ATXN1: variants seen among roughly 807,000 people sequenced by gnomAD.
ATXN1 encodes ataxin 1.
ATXN1 carries 8 observed loss-of-function variants against 56.4 expected under a neutral mutation model. The ratio of observed to expected loss-of-function variants is 0.14; its 90% CI spans 0.08 to 0.26. The LOEUF (loss-of-function observed/expected upper bound fraction) is 0.26. ATXN1 is among the 10% of genes least tolerant of loss of function. ATXN1 has a pLI of 1.00. For missense variants in ATXN1, 987 were observed against 1,106.5 expected (o/e 0.89, Z 1.53); for synonymous variants, 514 against 494.6 (o/e 1.04, Z -0.52).
intron 6 of ATXN1, among the ~76,000 whole-genome samples, chr6:16,429,081 C>A (rs1759222330): frequency 6.6e-6 from 1 of 152,006 alleles, no homozygotes; most frequent in African/African-American, 2.4e-5. Flanking sequence ...CTGCTGGACA[C>A]CCTGGCGACC....
intron 4 of ATXN1, among the ~76,000 whole-genome samples, chr6:16,561,992 C>A (rs367838960): frequency 1.3e-5 from 2 of 151,570 alleles, no homozygotes; most frequent in East Asian, 1.9e-4. Flanking sequence ...AGAATAAGTA[C>A]GAAAAGGGAC....
At chr6:16,519,566 G>A (rs1008396411) in intron 5 of ATXN1, among the ~76,000 whole-genome samples, 17 of 152,172 alleles carry the variant, frequency 1.1e-4, no homozygotes, top group African/African-American at 3.9e-4. Flanking sequence ...CATATTAAAT[G>A]AGCACTCTGT....
chr6:16,725,272 G>A (rs1366451312), intron 2 of ATXN1, among the ~76,000 whole-genome samples: 1 of 152,188 alleles, frequency 6.6e-6, no homozygotes, highest in Non-Finnish European at 1.5e-5. Context: ...TAGGTTTCGA[G>A]AACTGCTATT....
chr6:16,381,240 C>T (rs1361907210), intron 6 of ATXN1, among the ~76,000 whole-genome samples: 6 of 151,904 alleles, frequency 3.9e-5, no homozygotes, highest in Admixed American at 3.9e-4. Flanking sequence ...TAAGTGAGAT[C>T]GCACCACTGC....
intron 6 of ATXN1, among the ~76,000 whole-genome samples, chr6:16,379,161 T>A (rs535057314): frequency 6.6e-6 from 1 of 152,322 alleles, no homozygotes; most frequent in South Asian, 2.1e-4. Context: ...AACTCAAGAA[T>A]GGAAAACCAA....
chr6:16,442,320 G>A (rs1759533978), intron 6 of ATXN1, among the ~76,000 whole-genome samples: 1 of 152,148 alleles, frequency 6.6e-6, no homozygotes, highest in Admixed American at 6.5e-5. Context: ...AGAAGAGTCA[G>A]GCAACCAGTC....
At position 16,568,620 on chromosome 6, in the gene ATXN1, C is replaced by T. The variant is rs571716801; in HGVS notation, c.-361+17160G>A. ...GAAGAAATCATGAGGAGGTGGGTGA[C>T]TTACAAATGAACTTTCTTTTTCGGT... On this transcript the variant is annotated intron_variant, in intron 4 of 7. Transcript: ENST00000436367. Among the ~76,000 whole-genome samples the T allele has an allele frequency of 2.0e-4, 31 of 151,820 alleles. 1 individual carries two copies. The South Asian group carries it at 6.5e-3, about 32-fold the overall frequency.
chr6:16,610,937 G>A (rs1334979933), intron 3 of ATXN1, among the ~76,000 whole-genome samples: 2 of 151,986 alleles, frequency 1.3e-5, no homozygotes, highest in African/African-American at 4.8e-5. Context: ...AGGCTGAGGT[G>A]GGGGATCCTT....
Position 16,455,625 on chromosome 6 carries a change from T to C in ATXN1, c.-161+30347A>G, listed in dbSNP as rs144904701. Among the ~76,000 whole-genome samples the C allele has an allele frequency of 6.9e-4, 105 of 152,356 alleles. No individual in the cohort carries two copies. In the East Asian group the frequency reaches 0.018, roughly 27 times the overall value. On this transcript the variant is annotated intron_variant, in intron 6 of 7. Transcript: ENST00000436367. ...ACAAAAACCTGCACTCAAATGTTTA[T>C]AGCAGCTTCATTCATAATCGTGAAT...
intron 4 of ATXN1, among the ~76,000 whole-genome samples, chr6:16,545,293 A>C (rs1236931002): frequency 6.6e-6 from 1 of 152,208 alleles, no homozygotes; most frequent in African/African-American, 2.4e-5. Context: ...AATGACCTTA[A>C]TATGTTCAAG....
At chr6:16,390,278 T>C (rs1397228513) in intron 6 of ATXN1, among the ~76,000 whole-genome samples, 1 of 152,204 alleles carries the variant, frequency 6.6e-6, no homozygotes, top group Non-Finnish European at 1.5e-5. Flanking sequence ...TGTTTTTTCA[T>C]TGCCATGTTT....
At chr6:16,385,627 A>G (rs1758224253) in intron 6 of ATXN1, among the ~76,000 whole-genome samples, 1 of 152,220 alleles carries the variant, frequency 6.6e-6, no homozygotes, top group Admixed American at 6.5e-5. Context: ...TACTTCTAGG[A>G]TAAAGTTTAA....
In ATXN1 at chr6:16,723,091, T is replaced by C. The variant is rs6899526; in HGVS notation, c.-615+30142A>G. 8.4e-3 allele frequency among the ~76,000 whole-genome samples: 1,274 copies of C among 152,328 alleles called. 15 individuals carry two copies. The highest frequency in any genetic ancestry group is 0.028 in the African/African-American group (1,164 of 41,584). The stretch of plus-strand genomic sequence containing the variant: ...CAGACTGTGTTTCCATAAACATTTA[T>C]ACAGACTTCTCAGAAATAAAGGAGA... On this transcript the variant is annotated intron_variant, in intron 2 of 7. Transcript: ENST00000436367.
chr6:16,501,690 T>C (rs1464040871), intron 5 of ATXN1, among the ~76,000 whole-genome samples: 1 of 152,204 alleles, frequency 6.6e-6, no homozygotes, highest in East Asian at 1.9e-4. Flanking sequence ...CCATGGTGTA[T>C]ATTTACCACA....
intron 5 of ATXN1, among the ~76,000 whole-genome samples, chr6:16,495,898 A>G (rs1760772066): frequency 6.6e-6 from 1 of 152,052 alleles, no homozygotes; most frequent in Non-Finnish European, 1.5e-5. Flanking sequence ...TATTATTGGT[A>G]TATTAGTAAA....
rs576795975 is a variant in ATXN1 at position 16,601,549 on chromosome 6, A to G, written c.-488-15642T>C. Among the ~76,000 whole-genome samples the G allele has an allele frequency of 3.9e-5, 6 of 152,134 alleles. No individual in the cohort carries two copies. The South Asian group carries it at 8.3e-4, about 21-fold the overall frequency. The stretch of plus-strand genomic sequence containing the variant: ...GATGCAATCTGAGAGCCAGCCAGCC[A>G]CTTAAAATCTATTTATTTCAGCTGT... On this transcript the variant is annotated intron_variant, in intron 3 of 7. Coordinates refer to ENST00000436367, the MANE Select transcript of ATXN1 (RefSeq NM_001128164.2).
chr6:16,451,716 T>C (rs921015737), intron 6 of ATXN1, among the ~76,000 whole-genome samples: 41 of 151,696 alleles, frequency 2.7e-4, no homozygotes, highest in African/African-American at 9.4e-4. Flanking sequence ...GATCGTGCCA[T>C]TGCTCTCCAG....
intron 3 of ATXN1, among the ~76,000 whole-genome samples, chr6:16,622,674 G>A (rs1763339480): frequency 6.6e-6 from 1 of 152,048 alleles, no homozygotes; most frequent in African/African-American, 2.4e-5. Flanking sequence ...TTTTTACCCA[G>A]CCATCTTTCT....
At chr6:16,605,820 C>T (rs969337999) in intron 3 of ATXN1, among the ~76,000 whole-genome samples, 5 of 152,032 alleles carry the variant, frequency 3.3e-5, no homozygotes, top group Admixed American at 6.6e-5. Context: ...TTCCCTTAAC[C>T]GTAAAATGGC....
Sources: allele counts gnomAD v4.1 joint callset (sites outside exome capture counted in the v4.1 genomes callset), GRCh38; gene constraint gnomAD v4.1.1; transcripts MANE v1.5; gene names NCBI Gene and HGNC (gene_info 2026-07-23, HGNC 2026-07-21).